The following ZNF362 variants were observed in gnomAD, a reference collection of about 807,000 sequenced individuals.
The protein encoded by ZNF362 is zinc finger protein 362.
Under a neutral mutation model 42.9 loss-of-function variants are expected in ZNF362, and 11 were observed. The observed-to-expected ratio is 0.26, with a 90% confidence interval of 0.16 to 0.42. The LOEUF is 0.42. ZNF362 is among the 20% of genes least tolerant of loss of function. The pLI, the probability that ZNF362 is intolerant of heterozygous loss-of-function variation, is 1.00. For missense variants in ZNF362, 362 were observed against 576.2 expected (o/e 0.63, Z 3.81); for synonymous variants, 255 against 257.3 (o/e 0.99, Z 0.09).
chr1:33,151,144 TCC>T, the ZNF362 span, among the ~76,000 whole-genome samples: 2 of 152,064 alleles, frequency 1.3e-5, no homozygotes, highest in African/African-American at 2.4e-5. Flanking sequence ...AAGGGGGCTC[TCC>T]GTGGGTCTGA....
At chr1:33,174,329 A>C in the ZNF362 span, among the ~76,000 whole-genome samples, 1 of 152,110 alleles carries the variant, frequency 6.6e-6, no homozygotes, top group Non-Finnish European at 1.5e-5. Flanking sequence ...CTACAGGTGC[A>C]TGAAACCATG....
the ZNF362 span, among the ~76,000 whole-genome samples, chr1:33,190,303 G>T: frequency 1.3e-5 from 2 of 152,100 alleles, no homozygotes; most frequent in Non-Finnish European, 1.5e-5. Flanking sequence ...AGGGCCCCTT[G>T]GTTGAGTTTC....
chr1:33,202,502 G>A, the ZNF362 span, among the ~76,000 whole-genome samples: 2 of 151,804 alleles, frequency 1.3e-5, no homozygotes, highest in Non-Finnish European at 2.9e-5. Flanking sequence ...GGAGGCTGAG[G>A]CAGGAGAATG....
At chr1:33,238,381 T>TAATAAAATAAAATAAAATAAAATAAATA in the ZNF362 span, among the ~76,000 whole-genome samples, 2 of 105,526 alleles carry the variant, frequency 1.9e-5, no homozygotes, top group South Asian at 3.1e-4. Context: ...TAAAATAAAA[T>TAATAAAATAAAATAAAATAAAATAAATA]AAATAAAATA....
the ZNF362 span, chr1:33,181,095 A>G: frequency 6.3e-7 from 1 of 1,599,864 alleles, no homozygotes; most frequent in Non-Finnish European, 8.5e-7. This position sits in a 1 kb window ranked among gnomAD's most constrained non-coding sequence, Gnocchi z 6.5. Flanking sequence ...CTCGTCGCAG[A>G]AGAAGCAGAG....
chr1:33,283,457 A>G (rs1227440297), intron 6 of ZNF362, among the ~76,000 whole-genome samples: 3 of 152,200 alleles, frequency 2.0e-5, no homozygotes, highest in Admixed American at 6.5e-5. Context: ...CTGTAATTCT[A>G]GCACTTTGGG....
At chr1:33,190,328 A>G in the ZNF362 span, among the ~76,000 whole-genome samples, 1 of 152,192 alleles carries the variant, frequency 6.6e-6, no homozygotes, top group Non-Finnish European at 1.5e-5. Context: ...TTTGCTGCCC[A>G]TTATGGTAAT....
At chr1:33,141,224 C>A in the ZNF362 span, among the ~76,000 whole-genome samples, 1 of 151,870 alleles carries the variant, frequency 6.6e-6, no homozygotes, top group Non-Finnish European at 1.5e-5. Flanking sequence ...CTCTTGTACC[C>A]CCGCAGACCT....
At chr1:33,200,573 AGAT>A in the ZNF362 span, among the ~76,000 whole-genome samples, 2 of 152,240 alleles carry the variant, frequency 1.3e-5, no homozygotes, top group Non-Finnish European at 2.9e-5. Context: ...TTTAAATATA[AGAT>A]ACAAACAGGT....
chr1:33,189,546 G>T, the ZNF362 span, among the ~76,000 whole-genome samples: 1 of 149,670 alleles, frequency 6.7e-6, no homozygotes, highest in Admixed American at 6.7e-5. Flanking sequence ...CTTGTCAGTT[G>T]TTAAGCTGTT....
At chr1:33,189,385 G>A in the ZNF362 span, among the ~76,000 whole-genome samples, 2 of 151,816 alleles carry the variant, frequency 1.3e-5, no homozygotes, top group Admixed American at 6.6e-5. Flanking sequence ...TCATGACAAC[G>A]TTCCATGTCC....
chr1:33,161,917 C>T, the ZNF362 span, among the ~76,000 whole-genome samples: 4 of 152,184 alleles, frequency 2.6e-5, no homozygotes, highest in Admixed American at 1.3e-4. This position sits in a 1 kb window ranked among gnomAD's most constrained non-coding sequence, Gnocchi z 4.3. Context: ...GCCTTCCATC[C>T]TCACCCTGAA....
the ZNF362 span, chr1:33,164,411 A>G: frequency 6.6e-6 from 1 of 152,334 alleles, no homozygotes. Flanking sequence ...CACTCTGTAT[A>G]GTGGGGACTC....
the ZNF362 span, among the ~76,000 whole-genome samples, chr1:33,167,752 T>TAA: frequency 6.6e-6 from 1 of 152,210 alleles, no homozygotes; most frequent in African/African-American, 2.4e-5. This position sits in a 1 kb window ranked among gnomAD's most constrained non-coding sequence, Gnocchi z 4.2. Flanking sequence ...GGGAGGGCCT[T>TAA]GGTAAATGTC....
chr1:33,225,764 T>G, the ZNF362 span, among the ~76,000 whole-genome samples: 44 of 152,324 alleles, frequency 2.9e-4, no homozygotes, highest in African/African-American at 1.0e-3. Context: ...CAGGGTTAGC[T>G]CAATGCTGAC....
At chr1:33,181,400 G>A in the ZNF362 span, 5 of 1,602,824 alleles carry the variant, frequency 3.1e-6, no homozygotes, top group African/African-American at 1.3e-5. This position sits in a 1 kb window ranked among gnomAD's most constrained non-coding sequence, Gnocchi z 6.5. Context: ...GGCAGATGGA[G>A]CACAGCAGCT....
intron 1 of ZNF362, 69 bp from the exon 2 acceptor site, chr1:33,270,418 A>G: frequency 1.7e-6 from 1 of 599,778 alleles, no homozygotes. Flanking sequence ...AGATGTTGAA[A>G]TCAATGGTAG....
chr1:33,129,327 T>C, the ZNF362 span, among the ~76,000 whole-genome samples: 1 of 152,164 alleles, frequency 6.6e-6, no homozygotes, highest in African/African-American at 2.4e-5. This position sits in a 1 kb window ranked among gnomAD's most constrained non-coding sequence, Gnocchi z 4.1. Flanking sequence ...ACAACTCTGA[T>C]TGGACAGAGG....
chr1:33,259,485 T>C (rs1169362351), intron 1 of ZNF362, among the ~76,000 whole-genome samples: 1 of 152,234 alleles, frequency 6.6e-6, no homozygotes, highest in Non-Finnish European at 1.5e-5. Flanking sequence ...GTCTTATCTC[T>C]CTGTAAAATG....
Sources: allele counts gnomAD v4.1 joint callset (sites outside exome capture counted in the v4.1 genomes callset), GRCh38; gene constraint gnomAD v4.1.1; non-coding constraint Gnocchi (gnomAD v3.1); transcripts MANE v1.5; gene names NCBI Gene and HGNC (gene_info 2026-07-23, HGNC 2026-07-21).